SPMAP2L: variants seen among roughly 807,000 people sequenced by gnomAD.
SPMAP2L encodes sperm microtubule associated protein 2-like.
chr4:56,558,167 C>T, the SPMAP2L span, among the ~76,000 whole-genome samples: 1 of 152,024 alleles, frequency 6.6e-6, no homozygotes, highest in African/African-American at 2.4e-5. Context: ...AGGGTTTCAC[C>T]ATGTTGGCCA....
chr4:56,544,767 A>G, the SPMAP2L span, among the ~76,000 whole-genome samples: 1 of 152,280 alleles, frequency 6.6e-6, no homozygotes, highest in Non-Finnish European at 1.5e-5. Flanking sequence ...CTGGAGCGCC[A>G]CCTGGCCCGA....
chr4:56,593,853 A>G, the SPMAP2L span: 3 of 1,611,338 alleles, frequency 1.9e-6, no homozygotes, highest in East Asian at 2.2e-5. Context: ...GCAATCTACC[A>G]TGGTTCCCAT....
chr4:56,587,501 A>G, the SPMAP2L span, among the ~76,000 whole-genome samples: 24 of 134,758 alleles, frequency 1.8e-4, no homozygotes, highest in Non-Finnish European at 9.4e-5. Context: ...CTCAAAGTCC[A>G]TTGTATCATT....
At chr4:56,534,621 A>G in the SPMAP2L span, among the ~76,000 whole-genome samples, 1 of 152,242 alleles carries the variant, frequency 6.6e-6, no homozygotes, top group Non-Finnish European at 1.5e-5. Flanking sequence ...TTGAATATCA[A>G]TTTGGCATGT....
At chr4:56,591,293 T>C in the SPMAP2L span, among the ~76,000 whole-genome samples, 3 of 152,172 alleles carry the variant, frequency 2.0e-5, no homozygotes, top group African/African-American at 7.2e-5. Flanking sequence ...TCCACCATGA[T>C]TGTAAATTTC....
At chr4:56,543,929 T>TGTGA in the SPMAP2L span, among the ~76,000 whole-genome samples, 5 of 131,428 alleles carry the variant, frequency 3.8e-5, no homozygotes, top group Admixed American at 1.5e-4. Context: ...TGTGTGTATG[T>TGTGA]GAGAGAGAGA....
At chr4:56,610,901 C>A in the SPMAP2L span, among the ~76,000 whole-genome samples, 2 of 152,122 alleles carry the variant, frequency 1.3e-5, no homozygotes, top group Non-Finnish European at 2.9e-5. Context: ...TGCGATACCA[C>A]CTTACTCCTG....
the SPMAP2L span, chr4:56,603,143 T>G: frequency 3.5e-6 from 4 of 1,157,786 alleles, no homozygotes; most frequent in Non-Finnish European, 4.8e-6. Flanking sequence ...AGTGGATGCT[T>G]GAGAAACATT....
the SPMAP2L span, among the ~76,000 whole-genome samples, chr4:56,563,692 A>G: frequency 9.8e-5 from 15 of 152,292 alleles, 1 homozygote; most frequent in South Asian, 3.1e-3. Flanking sequence ...AAAGGGCCAG[A>G]TAGTAAAGTT....
At chr4:56,544,393 A>G in the SPMAP2L span, among the ~76,000 whole-genome samples, 1 of 152,170 alleles carries the variant, frequency 6.6e-6, no homozygotes, top group African/African-American at 2.4e-5. Flanking sequence ...GGTAACCTTT[A>G]CTGAAGAATA....
At chr4:56,612,786 C>A in the SPMAP2L span, among the ~76,000 whole-genome samples, 1 of 151,944 alleles carries the variant, frequency 6.6e-6, no homozygotes, top group African/African-American at 2.4e-5. Context: ...AGGCTGGTCT[C>A]GAACTCCTGA....
the SPMAP2L span, among the ~76,000 whole-genome samples, chr4:56,604,607 G>A: frequency 6.6e-6 from 1 of 151,578 alleles, no homozygotes; most frequent in Non-Finnish European, 1.5e-5. Flanking sequence ...GCCATGAGCC[G>A]AGATTGCACC....
chr4:56,613,218 C>T, the SPMAP2L span, among the ~76,000 whole-genome samples: 3 of 152,114 alleles, frequency 2.0e-5, no homozygotes, highest in African/African-American at 7.2e-5. Flanking sequence ...TTATAGTTTG[C>T]GTTGCTTTTT....
At chr4:56,563,238 A>C in the SPMAP2L span, among the ~76,000 whole-genome samples, 1 of 150,442 alleles carries the variant, frequency 6.6e-6, no homozygotes. Context: ...GACTACAGGC[A>C]CATGTCACCA....
the SPMAP2L span, among the ~76,000 whole-genome samples, chr4:56,557,023 T>C: frequency 6.6e-6 from 1 of 150,870 alleles, no homozygotes; most frequent in African/African-American, 2.4e-5. Context: ...CCAAGGCGGG[T>C]AGATCACTTG....
the SPMAP2L span, among the ~76,000 whole-genome samples, chr4:56,611,216 G>A: frequency 5.0e-3 from 759 of 152,232 alleles, 7 homozygotes; most frequent in African/African-American, 0.018. Flanking sequence ...ATCAATGAGT[G>A]GATAAAGAAA....
At chr4:56,623,341 T>G in the SPMAP2L span, among the ~76,000 whole-genome samples, 1 of 152,148 alleles carries the variant, frequency 6.6e-6, no homozygotes, top group African/African-American at 2.4e-5. Context: ...GCCCCACCTC[T>G]TGGATTCCCT....
At chr4:56,586,674 C>T in the SPMAP2L span, among the ~76,000 whole-genome samples, 1 of 152,166 alleles carries the variant, frequency 6.6e-6, no homozygotes, top group Non-Finnish European at 1.5e-5. Flanking sequence ...CCTTTCTTGT[C>T]AGGAGAGCTG....
the SPMAP2L span, among the ~76,000 whole-genome samples, chr4:56,538,460 G>A: frequency 6.6e-6 from 1 of 152,136 alleles, no homozygotes; most frequent in Non-Finnish European, 1.5e-5. Flanking sequence ...CAGCCTTCCT[G>A]AAGTCACATG....
Sources: gnomAD v4.1 joint callset for allele counts (sites outside exome capture counted in the v4.1 genomes callset) on GRCh38, gnomAD v4.1.1 for gene constraint, MANE v1.5 for transcripts, NCBI Gene and HGNC (gene_info 2026-07-23, HGNC 2026-07-21) for gene names.